IL13RA1: variants seen among roughly 807,000 people sequenced by gnomAD.
IL13RA1 encodes interleukin 13 receptor subunit alpha 1.
In IL13RA1, 14 loss-of-function variants were observed where a neutral mutation model predicts 33.8. That is an observed-to-expected ratio of 0.41 (90% CI 0.27 to 0.65). IL13RA1 has a LOEUF of 0.65. IL13RA1 is among the 30% of genes least tolerant of loss of function. The pLI is 0.28. For synonymous variants in IL13RA1, 116 were observed against 115.7 expected, an observed-to-expected ratio of 1.00 and a Z score of -0.02; for missense variants, 313 against 327.0, an observed-to-expected ratio of 0.96 and a Z score of 0.33.
intron 4 of IL13RA1, 45 bp from the exon 5 acceptor site, chrX:118,758,010 C>G: frequency 1.1e-6 from 1 of 877,170 alleles, no homozygotes; most frequent in Non-Finnish European, 1.6e-6. Context: ...TTCTTGAATA[C>G]TCTGTTGAAT....
At chrX:118,752,594 A>T (rs778606161) in intron 4 of IL13RA1, among the ~76,000 whole-genome samples, 2 of 111,721 alleles carry the variant, frequency 1.8e-5, no homozygotes, top group East Asian at 5.6e-4. Context: ...CATACTACCC[A>T]GCACATTGTG....
chrX:118,794,949 G>A (rs1438895073), downstream of IL13RA1, among the ~76,000 whole-genome samples: 3 of 111,283 alleles, frequency 2.7e-5, no homozygotes, highest in Non-Finnish European at 5.6e-5. Context: ...TTGACTGGAC[G>A]CAGTGGCTCA....
intron 4 of IL13RA1, among the ~76,000 whole-genome samples, chrX:118,756,392 A>T (rs955319771): frequency 9.0e-6 from 1 of 111,730 alleles, no homozygotes; most frequent in Non-Finnish European, 1.9e-5. Context: ...TCTTTGGGGA[A>T]AGGTATGTGT....
intron 8 of IL13RA1, chrX:118,770,494 C>A: frequency 2.0e-6 from 1 of 494,202 alleles, no homozygotes; most frequent in Non-Finnish European, 3.6e-6. Flanking sequence ...CAAGCTCAGC[C>A]CCATCCCCAA....
intron 4 of IL13RA1, among the ~76,000 whole-genome samples, chrX:118,754,375 C>T (rs1461189568): frequency 9.0e-6 from 1 of 111,294 alleles, no homozygotes; most frequent in African/African-American, 3.3e-5. Context: ...TGGTGGCTCA[C>T]GCCTGTAATC....
At chrX:118,746,809 A>G (rs995335194) in intron 2 of IL13RA1, 145 bp from the exon 3 acceptor site, 48 of 430,457 alleles carry the variant, frequency 1.1e-4, no homozygotes, top group Non-Finnish European at 1.7e-4. Flanking sequence ...TAGGGAGAAC[A>G]AAATCAGCCC....
chrX:118,784,942 A>G (rs186487332), intron 10 of IL13RA1, among the ~76,000 whole-genome samples: 2 of 111,526 alleles, frequency 1.8e-5, no homozygotes, highest in African/African-American at 6.5e-5. Flanking sequence ...TCAAAGTCCA[A>G]TAATTTTACC....
chrX:118,758,050 T>G lies in IL13RA1; in HGVS notation c.489-5T>G. On this transcript the variant is annotated splice_polypyrimidine_tract_variant and splice_region_variant and intron_variant, in intron 4 of 10. Transcript: ENST00000371666. The stretch of plus-strand genomic sequence containing the variant: ...TGCAGAAGATTGTCTCATTTTATCT[T>G]GTAGGCACAGAAGCCTGGAAAAAAT... 9.0e-7 allele frequency: 1 copy of G among 1,110,739 alleles called. No homozygotes were observed. Among genetic ancestry groups the G allele is most frequent in the Non-Finnish European group, 1.2e-6 (1 of 812,252 alleles). The allele number at this position is 1,110,739 out of a possible 1,213,427, so 91.5% of individuals were successfully genotyped here. A position where few individuals can be genotyped will look rare whatever the true frequency, so the allele number is the denominator to read the frequency against.
intron 4 of IL13RA1, 104 bp downstream of exon 4, chrX:118,749,882 A>G: frequency 1.9e-6 from 1 of 526,511 alleles, no homozygotes; most frequent in East Asian, 3.4e-5. Flanking sequence ...TTTTTTCTGC[A>G]AACTCAACAA....
At chrX:118,803,915 TTCCTTCC>T in the IL13RA1 span, among the ~76,000 whole-genome samples, 1 of 96,276 alleles carries the variant, frequency 1.0e-5, no homozygotes, top group Admixed American at 1.2e-4. Flanking sequence ...CCTTCCTTCC[TTCCTTCC>T]TCTCTCTCTT....
downstream of IL13RA1, among the ~76,000 whole-genome samples, chrX:118,795,039 G>A (rs868302565): frequency 2.8e-4 from 30 of 108,907 alleles, no homozygotes; most frequent in South Asian, 3.1e-3. Flanking sequence ...TGGCTAACAC[G>A]GTGAAACCCC....
chrX:118,748,692 G>A (rs923873774), intron 3 of IL13RA1, among the ~76,000 whole-genome samples: 2 of 110,863 alleles, frequency 1.8e-5, no homozygotes, highest in African/African-American at 6.6e-5. Flanking sequence ...GTTGATGATG[G>A]CTCAGTGTAG....
At chrX:118,745,161 G>T (rs1165507665) in intron 2 of IL13RA1, among the ~76,000 whole-genome samples, 1 of 112,070 alleles carries the variant, frequency 8.9e-6, no homozygotes, top group Non-Finnish European at 1.9e-5. Flanking sequence ...TGGTAATGGT[G>T]AAGCATTCTA....
chrX:118,799,139 G>T (rs2018049544), downstream of IL13RA1, among the ~76,000 whole-genome samples: 1 of 113,220 alleles, frequency 8.8e-6, no homozygotes, highest in Non-Finnish European at 1.9e-5. Context: ...CCCCAGCAGT[G>T]CCGGCCCACC....
intron 9 of IL13RA1, among the ~76,000 whole-genome samples, chrX:118,775,165 G>A (rs1186184586): frequency 8.9e-6 from 1 of 111,774 alleles, no homozygotes; most frequent in Non-Finnish European, 1.9e-5. Context: ...GAGACTCCCA[G>A]TAATGTAAAG....
chrX:118,760,299 GTCTTT>G (rs1367592948), intron 5 of IL13RA1, among the ~76,000 whole-genome samples: 8 of 111,722 alleles, frequency 7.2e-5, no homozygotes, highest in Non-Finnish European at 1.3e-4. Context: ...TACAATATTT[GTCTTT>G]TGTGACTGGC....
At chrX:118,752,777 T>G (rs1290110246) in intron 4 of IL13RA1, among the ~76,000 whole-genome samples, 1 of 112,191 alleles carries the variant, frequency 8.9e-6, no homozygotes, top group Non-Finnish European at 1.9e-5. Context: ...CGGTGATGAC[T>G]TATGAGGTAT....
chrX:118,730,575 A>C (rs1444353093), intron 1 of IL13RA1, among the ~76,000 whole-genome samples: 1 of 111,417 alleles, frequency 9.0e-6, no homozygotes, highest in Non-Finnish European at 1.9e-5. Flanking sequence ...TTGGCAGGAG[A>C]GTGCATTGGT....
intron 10 of IL13RA1, among the ~76,000 whole-genome samples, chrX:118,779,668 A>G (rs1386428973): frequency 9.0e-6 from 1 of 111,615 alleles, no homozygotes. Flanking sequence ...TGTACAAGTC[A>G]TTAAGGGAAA....
Sources: allele counts gnomAD v4.1 joint callset (sites outside exome capture counted in the v4.1 genomes callset), GRCh38; gene constraint gnomAD v4.1.1; transcripts MANE v1.5; gene names NCBI Gene and HGNC (gene_info 2026-07-23, HGNC 2026-07-21).